The following EIF2AK2 variants were observed in gnomAD, a reference collection of about 807,000 sequenced individuals.
EIF2AK2 encodes the protein eukaryotic translation initiation factor 2 alpha kinase 2.
Under a neutral mutation model 70.5 loss-of-function variants are expected in EIF2AK2, and 40 were observed. The ratio of observed to expected loss-of-function variants is 0.57; its 90% CI spans 0.44 to 0.74. The LOEUF (loss-of-function observed/expected upper bound fraction) is 0.74, where lower values mean the gene tolerates loss of function less well. Among genes scored for constraint, EIF2AK2 ranks in the 30% least tolerant of loss-of-function variants. EIF2AK2 has a pLI of 0.00. For synonymous variants in EIF2AK2, 198 were observed against 220.9 expected (o/e 0.90, Z 0.92); for missense variants, 555 against 644.3 (o/e 0.86, Z 1.50).
chr2:37,125,423 C>G (rs561616064), intron 11 of EIF2AK2, among the ~76,000 whole-genome samples: 2 of 152,228 alleles, frequency 1.3e-5, no homozygotes, highest in Non-Finnish European at 1.5e-5. Flanking sequence ...ACCAATATAA[C>G]TTGATGGTAG....
At chr2:37,126,164 A>C (rs900276322) in intron 11 of EIF2AK2, 125 bp downstream of exon 11, 7 of 1,284,306 alleles carry the variant, frequency 5.5e-6, no homozygotes, top group South Asian at 1.9e-5. Context: ...TGGTAGAATG[A>C]AATGTTTAAT....
At chr2:37,136,126 T>C (rs1675118833) in intron 9 of EIF2AK2, among the ~76,000 whole-genome samples, 3 of 152,160 alleles carry the variant, frequency 2.0e-5, no homozygotes, top group Admixed American at 2.0e-4. Context: ...TGTTATTCCT[T>C]ACTGATGATA....
At chr2:37,149,364 A>C (rs776159357) in intron 1 of EIF2AK2, 1 of 604,806 alleles carries the variant, frequency 1.7e-6, no homozygotes, top group African/African-American at 1.9e-5. Context: ...CGGTTACTCT[A>C]AGATACATTT....
At chr2:37,115,220 T>TG in intron 13 of EIF2AK2, 4 of 187,590 alleles carry the variant, frequency 2.1e-5, no homozygotes, top group Non-Finnish European at 2.0e-5. Context: ...GCTAGTTTTT[T>TG]TTTTTTTTTT....
intron 10 of EIF2AK2, among the ~76,000 whole-genome samples, chr2:37,130,570 C>A (rs1460466358): frequency 6.6e-6 from 1 of 152,186 alleles, no homozygotes; most frequent in African/African-American, 2.4e-5. Flanking sequence ...ATTGCAAATT[C>A]TTCCCAATAC....
intron 13 of EIF2AK2, among the ~76,000 whole-genome samples, chr2:37,117,115 A>C (rs1260818332): frequency 6.6e-6 from 1 of 151,786 alleles, no homozygotes; most frequent in Non-Finnish European, 1.5e-5. Flanking sequence ...CGAGAGGCTG[A>C]CGCAGGAGAA....
chr2:37,133,808 T>A (rs1675031450), intron 10 of EIF2AK2, among the ~76,000 whole-genome samples: 1 of 152,216 alleles, frequency 6.6e-6, no homozygotes, highest in South Asian at 2.1e-4. Flanking sequence ...GAAACTCTCA[T>A]TATACATCCT....
chr2:37,147,301 T>A (rs1200667922), intron 3 of EIF2AK2, among the ~76,000 whole-genome samples: 2 of 150,940 alleles, frequency 1.3e-5, no homozygotes, highest in African/African-American at 2.5e-5. Flanking sequence ...GGTCATATCT[T>A]TTTTCTTTTT....
intron 10 of EIF2AK2, among the ~76,000 whole-genome samples, chr2:37,132,548 C>A (rs1435576001): frequency 6.6e-6 from 1 of 152,156 alleles, no homozygotes; most frequent in African/African-American, 2.4e-5. Flanking sequence ...GAGATCGTGC[C>A]ACTGCACTCC....
intron 4 of EIF2AK2, among the ~76,000 whole-genome samples, chr2:37,142,768 G>A (rs995720893): frequency 1.3e-5 from 2 of 152,036 alleles, no homozygotes; most frequent in Admixed American, 6.6e-5. Context: ...AAATGTAAAT[G>A]ACTTCATGTT....
rs1401174762 is a variant in EIF2AK2, at chr2:37,104,272, A to G, written c.*3001T>C. On this transcript the variant is annotated 3_prime_UTR_variant, in exon 17 of 17. Coordinates refer to ENST00000233057, the MANE Select transcript of EIF2AK2 (RefSeq NM_001135651.3). ...TGCAGTCTATATTCAAATGTTCTCA[A>G]TTGTCCCGAAGATATCTTTATAGCT... The G allele has an allele frequency of 1.3e-5, 2 of 151,914 alleles. No homozygotes were observed. The highest frequency in any genetic ancestry group is 4.8e-5 in the African/African-American group (2 of 41,340). The allele number at this position is 151,914 out of a possible 1,614,324, so 9.4% of individuals were successfully genotyped here.
chr2:37,141,031 A>G (rs531907255), intron 5 of EIF2AK2, among the ~76,000 whole-genome samples: 45 of 152,224 alleles, frequency 3.0e-4, no homozygotes, highest in Non-Finnish European at 5.3e-4. Context: ...ACTCTAGTTC[A>G]TCTGTCTCAT....
At chr2:37,134,221 A>T (rs1232841601) in intron 10 of EIF2AK2, among the ~76,000 whole-genome samples, 1 of 152,152 alleles carries the variant, frequency 6.6e-6, no homozygotes, top group African/African-American at 2.4e-5. Context: ...AGGCCAACAC[A>T]TTATTTCAAA....
At position 37,121,087 on chromosome 2, in the gene EIF2AK2, T is replaced by C. The variant is rs1323275888; in HGVS notation, c.1068-948A>G. On this transcript the variant is annotated intron_variant, in intron 12 of 16. Coordinates refer to ENST00000233057, the MANE Select transcript of EIF2AK2 (RefSeq NM_001135651.3). Reference sequence around the variant, plus strand: ...GACCATCCTGGCTAACACGGTGAAATCCCGTCTCTACTAAAAATACAAAAA... The same window carrying C: ...GACCATCCTGGCTAACACGGTGAAACCCCGTCTCTACTAAAAATACAAAAA... Among the ~76,000 whole-genome samples, 14 of 144,952 alleles carry C rather than the reference T, an allele frequency of 9.7e-5. No homozygotes were observed. The Middle Eastern group carries it at 0.018, about 189-fold the overall frequency.
At chr2:37,123,872 AT>A (rs1334524117) in intron 11 of EIF2AK2, among the ~76,000 whole-genome samples, 1 of 152,222 alleles carries the variant, frequency 6.6e-6, no homozygotes, top group Admixed American at 6.5e-5. Context: ...TTACAATTTT[AT>A]TTTTTAATGC....
chr2:37,138,216 G>T, intron 8 of EIF2AK2, 54 bp downstream of exon 8: 1 of 1,368,762 alleles, frequency 7.3e-7, no homozygotes, highest in Non-Finnish European at 1.0e-6. Context: ...TTTTAAATGA[G>T]GAAACGCACA....
chr2:37,115,744 G>A (rs1674320097), intron 13 of EIF2AK2, among the ~76,000 whole-genome samples: 1 of 152,052 alleles, frequency 6.6e-6, no homozygotes, highest in African/African-American at 2.4e-5. Flanking sequence ...TTCTCTTGGG[G>A]GTCTTTTCTC....
Position 37,104,296 on chromosome 2 carries a change from C to T in EIF2AK2, c.*2977G>A, listed in dbSNP as rs141030034. 22 of 151,914 alleles carry T rather than the reference C, an allele frequency of 1.4e-4. No individual in the cohort carries two copies. Among genetic ancestry groups the T allele is most frequent in the African/African-American group, 4.8e-4 (20 of 41,424 alleles). 9.4% of individuals were successfully genotyped at this position (151,914 alleles called of 1,614,324 possible). ...AATTGTCCCGAAGATATCTTTATAG[C>T]TGTTTGCTGGGTTGTTGCTTTCTTT... is the stretch of plus-strand genomic sequence containing the variant. On this transcript the variant is annotated 3_prime_UTR_variant, in exon 17 of 17. Transcript: ENST00000233057.
chr2:37,147,939 TCAGTCTCA>T, intron 2 of EIF2AK2, 117 bp from the exon 3 acceptor site: 1 of 578,838 alleles, frequency 1.7e-6, no homozygotes, highest in Non-Finnish European at 3.1e-6. Flanking sequence ...AGGACTCATC[TCAGTCTCA>T]CATAAATGCA....
Sources: gnomAD v4.1 joint callset for allele counts (sites outside exome capture counted in the v4.1 genomes callset) on GRCh38, gnomAD v4.1.1 for gene constraint, MANE v1.5 for transcripts, NCBI Gene and HGNC (gene_info 2026-07-23, HGNC 2026-07-21) for gene names.